NEGR1: variants seen among roughly 807,000 people sequenced by gnomAD.
NEGR1 encodes the protein neuronal growth regulator 1, also known as IgLON family member 4.
A neutral mutation model predicts 40.9 loss-of-function variants in NEGR1; 10 were observed. That is an observed-to-expected ratio of 0.24 (90% CI 0.15 to 0.42). The LOEUF (loss-of-function observed/expected upper bound fraction) is 0.42. Ranked by LOEUF, NEGR1 falls within the 10% of genes least tolerant of loss-of-function variation. The pLI, the probability that NEGR1 is intolerant of heterozygous loss-of-function variation, is 1.00. For missense variants in NEGR1, 352 were observed against 438.9 expected (o/e 0.80, Z 1.77); for synonymous variants, 185 against 166.8 (o/e 1.11, Z -0.84).
intron 1 of NEGR1, among the ~76,000 whole-genome samples, chr1:71,944,577 ACACG>A (rs1646000238): frequency 6.7e-6 from 1 of 149,142 alleles, no homozygotes; most frequent in Admixed American, 6.8e-5. Flanking sequence ...AAGAAACATA[ACACG>A]GATGGATATA....
intron 2 of NEGR1, among the ~76,000 whole-genome samples, chr1:71,886,634 A>C (rs1159710246): frequency 6.6e-6 from 1 of 152,160 alleles, no homozygotes; most frequent in Non-Finnish European, 1.5e-5. Context: ...AGGTGGTATG[A>C]GGCACACTGC....
chr1:71,480,853 C>T (rs1210018319), intron 6 of NEGR1, among the ~76,000 whole-genome samples: 1 of 151,664 alleles, frequency 6.6e-6, no homozygotes, highest in Admixed American at 6.6e-5. Flanking sequence ...ATACTTATTC[C>T]TAGTATATAA....
At chr1:71,545,182 G>T (rs1647851034) in intron 6 of NEGR1, among the ~76,000 whole-genome samples, 1 of 151,588 alleles carries the variant, frequency 6.6e-6, no homozygotes, top group South Asian at 2.1e-4. Context: ...GTGGTGTGGG[G>T]TACAAGGTCC....
intron 5 of NEGR1, among the ~76,000 whole-genome samples, chr1:71,603,711 A>G (rs563481697): frequency 6.6e-6 from 1 of 152,258 alleles, no homozygotes; most frequent in African/African-American, 2.4e-5. Flanking sequence ...ATAAATGACT[A>G]GTTGGAGTGT....
At chr1:72,250,270 C>A (rs1255062648) in intron 1 of NEGR1, among the ~76,000 whole-genome samples, 2 of 151,976 alleles carry the variant, frequency 1.3e-5, no homozygotes, top group African/African-American at 4.8e-5. Flanking sequence ...CCCAACAGCA[C>A]CCCCCAAGCC....
intron 1 of NEGR1, among the ~76,000 whole-genome samples, chr1:72,237,088 A>G (rs1654573447): frequency 6.6e-6 from 1 of 151,964 alleles, no homozygotes; most frequent in African/African-American, 2.4e-5. Context: ...TTTTAAAAAT[A>G]TGTTCACAAA....
intron 4 of NEGR1, among the ~76,000 whole-genome samples, chr1:71,668,847 A>T (rs1331699554): frequency 6.6e-6 from 1 of 152,104 alleles, no homozygotes. Flanking sequence ...GAATGGAGGG[A>T]ATGTTCCCAA....
Position 71,406,348 on chromosome 1 carries a change from A to C in NEGR1, c.*1098T>G, listed in dbSNP as rs1431440283. On this transcript the variant is annotated 3_prime_UTR_variant, in exon 7 of 7. Transcript: ENST00000357731. ...TGTCCACAGGAGCACTGCCTCTGTC[A>C]TACTAACTTAGCTGCCACAAAATAA... 2 of 151,948 alleles carry C rather than the reference A, an allele frequency of 1.3e-5. No homozygotes were observed. The highest frequency in any genetic ancestry group is 4.8e-5 in the African/African-American group (2 of 41,434). The allele number at this position is 151,948 out of a possible 1,614,324, so 9.4% of individuals were successfully genotyped here.
intron 2 of NEGR1, among the ~76,000 whole-genome samples, chr1:71,821,506 G>C (rs1186052139): frequency 1.3e-5 from 2 of 151,958 alleles, no homozygotes. Context: ...TGTACTAGTT[G>C]ACACACACAA....
intron 1 of NEGR1, among the ~76,000 whole-genome samples, chr1:71,940,216 T>C (rs973171369): frequency 1.3e-4 from 20 of 152,190 alleles, no homozygotes; most frequent in South Asian, 4.1e-4. Flanking sequence ...CTTTGAAATA[T>C]AGACAATGAA....
intron 6 of NEGR1, among the ~76,000 whole-genome samples, chr1:71,569,409 C>T (rs1453048579): frequency 6.6e-6 from 1 of 152,066 alleles, no homozygotes. Context: ...AGAGCCAGCA[C>T]AGCTTGAGCT....
chr1:72,233,637 T>C (rs1049799150), intron 1 of NEGR1, among the ~76,000 whole-genome samples: 5 of 152,182 alleles, frequency 3.3e-5, no homozygotes, highest in African/African-American at 9.6e-5. Flanking sequence ...ATTCTTTTCA[T>C]GGCTACATAG....
rs140068812 is a variant in NEGR1 at position 71,917,128 on chromosome 1, G to A, written c.409+17951C>T. ...TGGCACAGCAGCCTGTGCACTGGGC[G>A]CCAATGGCTACTCATAAATGTCACG... On this transcript the variant is annotated intron_variant, in intron 2 of 6. Transcript: ENST00000357731. Among the ~76,000 whole-genome samples the A allele has an allele frequency of 7.8e-3, 1,183 of 152,290 alleles. 16 individuals carry two copies. Among genetic ancestry groups the A allele is most frequent in the African/African-American group, 0.027 (1,123 of 41,558 alleles).
At chr1:71,926,820 C>G (rs116077687) in intron 2 of NEGR1, among the ~76,000 whole-genome samples, 1 of 152,032 alleles carries the variant, frequency 6.6e-6, no homozygotes, top group East Asian at 1.9e-4. Context: ...TCAGACCTTA[C>G]ATTAGGCAAT....
intron 2 of NEGR1, among the ~76,000 whole-genome samples, chr1:71,933,640 C>T (rs981065298): frequency 1.3e-5 from 2 of 151,982 alleles, no homozygotes; most frequent in Non-Finnish European, 2.9e-5. Context: ...GATTAACTCC[C>T]ACCCTCTGGA....
chr1:72,072,159 A>C (rs1200669150), intron 1 of NEGR1, among the ~76,000 whole-genome samples: 1 of 152,136 alleles, frequency 6.6e-6, no homozygotes, highest in East Asian at 1.9e-4. Flanking sequence ...AAGGATCCCT[A>C]ATATAACAGT....
At chr1:72,110,221 T>TAAAAAAAAAAA (rs57618301) in intron 1 of NEGR1, among the ~76,000 whole-genome samples, 12 of 106,912 alleles carry the variant, frequency 1.1e-4, no homozygotes, top group African/African-American at 3.0e-4. Flanking sequence ...TAGAGTATAA[T>TAAAAAAAAAAA]AAAAAAAAAA....
chr1:71,673,249 A>G (rs1443501700), intron 4 of NEGR1, among the ~76,000 whole-genome samples: 1 of 152,086 alleles, frequency 6.6e-6, no homozygotes, highest in East Asian at 1.9e-4. Flanking sequence ...AACTGTATCC[A>G]TATACTATGT....
intron 1 of NEGR1, among the ~76,000 whole-genome samples, chr1:72,060,358 G>A (rs1218796471): frequency 2.0e-5 from 3 of 151,566 alleles, no homozygotes; most frequent in African/African-American, 7.3e-5. Flanking sequence ...GTTTTTCAAG[G>A]TTTTCAGAAT....
Sources: gnomAD v4.1 joint callset for allele counts (sites outside exome capture counted in the v4.1 genomes callset) on GRCh38, gnomAD v4.1.1 for gene constraint, MANE v1.5 for transcripts, NCBI Gene and HGNC (gene_info 2026-07-23, HGNC 2026-07-21) for gene names.